The following KPNA2 variants were observed in gnomAD, a reference collection of about 807,000 sequenced individuals.
The protein encoded by KPNA2 is karyopherin subunit alpha 2.
KPNA2 carries 20 observed loss-of-function variants against 53.7 expected under a neutral mutation model. The ratio of observed to expected loss-of-function variants is 0.37; its 90% CI spans 0.26 to 0.54. KPNA2 has a LOEUF of 0.54. Among genes scored for constraint, KPNA2 ranks in the 20% least tolerant of loss-of-function variants. The pLI is 0.83. For synonymous variants in KPNA2, 238 were observed against 227.5 expected (o/e 1.05, Z -0.42); for missense variants, 515 against 640.3 (o/e 0.80, Z 2.11).
At chr17:68,039,368 G>A (rs924265266) in intron 3 of KPNA2, among the ~76,000 whole-genome samples, 7 of 151,582 alleles carry the variant, frequency 4.6e-5, no homozygotes, top group Admixed American at 3.3e-4. Flanking sequence ...TGATCCACCC[G>A]CCTCGGCCTC....
chr17:68,038,318 G>A (rs1403919857), intron 3 of KPNA2, among the ~76,000 whole-genome samples: 1 of 152,132 alleles, frequency 6.6e-6, no homozygotes, highest in Admixed American at 6.5e-5. Flanking sequence ...ATGTTGGCCA[G>A]GCTAGTCTTG....
intron 5 of KPNA2, among the ~76,000 whole-genome samples, chr17:68,042,653 C>T (rs1256596340): frequency 2.6e-5 from 4 of 151,970 alleles, no homozygotes; most frequent in Admixed American, 6.6e-5. Flanking sequence ...GAGGCAGAGG[C>T]GGGTGGATCA....
intron 3 of KPNA2, among the ~76,000 whole-genome samples, chr17:68,040,263 T>A (rs1243508934): frequency 1.5e-4 from 20 of 136,684 alleles, no homozygotes; most frequent in African/African-American, 6.6e-4. Context: ...CCTGGATATT[T>A]TTTTTTTTTT....
At chr17:68,036,181 GGC>G (rs1452917524) in intron 1 of KPNA2, 1 of 152,356 alleles carries the variant, frequency 6.6e-6, no homozygotes, top group East Asian at 1.9e-4. Flanking sequence ...CCGGCGTGGG[GGC>G]AGGGGCTGGG....
At chr17:68,041,158 A>G (rs1221724555) in intron 4 of KPNA2, among the ~76,000 whole-genome samples, 3 of 152,258 alleles carry the variant, frequency 2.0e-5, no homozygotes, top group African/African-American at 7.2e-5. Flanking sequence ...GATAAGTATA[A>G]TTTGACCTTT....
chr17:68,043,775 G>GTC, intron 7 of KPNA2, 63 bp from the exon 8 acceptor site: 1 of 1,012,838 alleles, frequency 9.9e-7, no homozygotes, highest in Admixed American at 1.8e-5. Context: ...AACTTTTAGG[G>GTC]TATAGAATTT....
chr17:68,044,539 A>G (rs2071306061), intron 9 of KPNA2, 36 bp downstream of exon 9: 1 of 1,551,604 alleles, frequency 6.4e-7, no homozygotes, highest in African/African-American at 1.4e-5. Context: ...TTGAATTTGG[A>G]CTTGATAATA....
intron 4 of KPNA2, 56 bp downstream of exon 4, chr17:68,040,822 T>TG (rs1224087672): frequency 9.4e-7 from 1 of 1,064,444 alleles, no homozygotes; most frequent in East Asian, 2.4e-5. Context: ...TTTTAGATTT[T>TG]TTTTTGGGGG....
At chr17:68,043,076 C>T (rs782260127) in intron 6 of KPNA2, 24 bp from the exon 7 acceptor site, 8 of 1,613,708 alleles carry the variant, frequency 5.0e-6, no homozygotes, top group Middle Eastern at 1.6e-4. Flanking sequence ...CAGAACCTCT[C>T]ATTGCCTATT....
intron 4 of KPNA2, among the ~76,000 whole-genome samples, chr17:68,041,255 A>G (rs1599140898): frequency 6.6e-6 from 1 of 152,244 alleles, no homozygotes. Context: ...AAAAATTTCA[A>G]TGGTAAATTA....
In KPNA2 at chr17:68,038,883, C is replaced by T. The variant is rs145159150; in HGVS notation, c.213+1388C>T. On this transcript the variant is annotated intron_variant, in intron 3 of 10. Transcript: ENST00000330459. The stretch of plus-strand genomic sequence containing the variant: ...AAGTAAAGTTAGCTGGGTGTGGTGG[C>T]GCCGGCCTTTAGTCCTAGGTATTCA... Among the ~76,000 whole-genome samples, 997 of 152,014 alleles carry T rather than the reference C, an allele frequency of 6.6e-3. 13 individuals are homozygous for T. The highest frequency in any genetic ancestry group is 0.023 in the African/African-American group (960 of 41,482).
chr17:68,038,886 C>T (rs1389632965), intron 3 of KPNA2, among the ~76,000 whole-genome samples: 4 of 151,840 alleles, frequency 2.6e-5, no homozygotes, highest in East Asian at 3.9e-4. Context: ...GTGGTGGCGC[C>T]GGCCTTTAGT....
chr17:68,041,302 T>A (rs6504577), intron 4 of KPNA2, among the ~76,000 whole-genome samples: 2 of 152,334 alleles, frequency 1.3e-5, no homozygotes, highest in East Asian at 1.9e-4. Context: ...TGTGGCTCAT[T>A]CCTGTAATCC....
intron 5 of KPNA2, 23 bp from the exon 6 acceptor site, chr17:68,042,882 A>G (rs1555704789): frequency 1.4e-6 from 2 of 1,459,546 alleles, no homozygotes; most frequent in Middle Eastern, 2.3e-4. Flanking sequence ...AAAAAAAAAA[A>G]TTAATCTTGC....
intron 5 of KPNA2, among the ~76,000 whole-genome samples, 194 bp from the exon 6 acceptor site, chr17:68,042,711 C>T (rs2071274783): frequency 6.6e-6 from 1 of 151,834 alleles, no homozygotes. Flanking sequence ...TGAAACCCCA[C>T]CTCTACTAAA....
intron 10 of KPNA2, among the ~76,000 whole-genome samples, 170 bp from the exon 11 acceptor site, chr17:68,046,334 T>C (rs1300689363): frequency 6.6e-6 from 1 of 152,154 alleles, no homozygotes; most frequent in Non-Finnish European, 1.5e-5. Context: ...CATTTATGAA[T>C]TGGCAAAGTT....
At chr17:68,040,260 ATTTTTTT>A (rs782418464) in intron 3 of KPNA2, among the ~76,000 whole-genome samples, 16 of 117,966 alleles carry the variant, frequency 1.4e-4, no homozygotes, top group Non-Finnish European at 2.1e-4. Context: ...ATGCCTGGAT[ATTTTTTT>A]TTTTTTTTTT....
At chr17:68,040,104 CAG>C (rs1476522870) in intron 3 of KPNA2, among the ~76,000 whole-genome samples, 3 of 151,678 alleles carry the variant, frequency 2.0e-5, no homozygotes, top group Admixed American at 1.3e-4. Context: ...AGAAAATCCT[CAG>C]AACGTTGCCT....
At chr17:68,040,833 G>T (rs2071251946) in intron 4 of KPNA2, 67 bp downstream of exon 4, 2 of 971,410 alleles carry the variant, frequency 2.1e-6, no homozygotes, top group Non-Finnish European at 3.3e-6. Context: ...TTTTTGGGGG[G>T]TGGGGCAGGA....
Sources: allele counts gnomAD v4.1 joint callset (sites outside exome capture counted in the v4.1 genomes callset), GRCh38; gene constraint gnomAD v4.1.1; transcripts MANE v1.5; gene names NCBI Gene and HGNC (gene_info 2026-07-23, HGNC 2026-07-21).